Variants in PIGK observed in about 807,000 individuals in gnomAD.
PIGK encodes the protein phosphatidylinositol glycan anchor biosynthesis class K.
A neutral mutation model predicts 50.6 loss-of-function variants in PIGK; 42 were observed. That is an observed-to-expected ratio of 0.83 (90% CI 0.65 to 1.07). PIGK has a LOEUF of 1.07. Ranked by LOEUF, PIGK falls within the 50% of genes least tolerant of loss-of-function variation. The pLI is 0.00. For missense variants in PIGK, 448 were observed against 488.7 expected (o/e 0.92, Z 0.78); for synonymous variants, 151 against 156.0 (o/e 0.97, Z 0.24).
At chr1:77,166,367 T>C (rs1049363698) in intron 5 of PIGK, among the ~76,000 whole-genome samples, 1 of 152,126 alleles carries the variant, frequency 6.6e-6, no homozygotes, top group East Asian at 1.9e-4. Flanking sequence ...AAAACCATTA[T>C]AAAGTTTTAA....
intron 10 of PIGK, among the ~76,000 whole-genome samples, chr1:77,106,958 G>A (rs1473042575): frequency 3.3e-5 from 5 of 150,670 alleles, no homozygotes; most frequent in Non-Finnish European, 5.9e-5. Context: ...TTTTTATTGC[G>A]TCTATTTGAT....
chr1:77,218,244 G>C (rs1263836032), intron 1 of PIGK, among the ~76,000 whole-genome samples: 1 of 152,188 alleles, frequency 6.6e-6, no homozygotes, highest in African/African-American at 2.4e-5. Flanking sequence ...ATATTTAAAA[G>C]ATTTCATCAG....
rs1344861863 is a variant in PIGK at position 77,151,779 on chromosome 1, T to C, written c.986+2670A>G. Among the ~76,000 whole-genome samples, 3 of 152,044 alleles carry C rather than the reference T, an allele frequency of 2.0e-5. No homozygotes were observed. The East Asian group carries it at 5.8e-4, about 29-fold the overall frequency. On this transcript the variant is annotated intron_variant, in intron 9 of 10. Transcript: ENST00000370812. ...AAGGAAAAAATAATCTAGGAATAAA[T>C]TTTACCAAAGTGAAAGATCTCTACA... is the stretch of plus-strand genomic sequence containing the variant.
At chr1:77,105,384 A>G (rs61484997) in intron 10 of PIGK, among the ~76,000 whole-genome samples, 5,407 of 152,012 alleles carry the variant, frequency 0.036, 254 homozygotes, top group African/African-American at 0.11. Flanking sequence ...ACTTTGGGCC[A>G]TGGGTTTCAG....
intron 10 of PIGK, among the ~76,000 whole-genome samples, chr1:77,098,898 C>G (rs1004689634): frequency 2.6e-5 from 4 of 152,106 alleles, no homozygotes; most frequent in Non-Finnish European, 1.5e-5. Context: ...TTAAGTATTT[C>G]TTTCTCTTCT....
At chr1:77,159,934 G>C (rs1336722666) in intron 8 of PIGK, among the ~76,000 whole-genome samples, 1 of 152,136 alleles carries the variant, frequency 6.6e-6, no homozygotes, top group African/African-American at 2.4e-5. Context: ...AGGCACGATT[G>C]GTTTTGAAAT....
intron 3 of PIGK, among the ~76,000 whole-genome samples, chr1:77,192,180 C>T (rs1655924231): frequency 6.6e-6 from 1 of 151,844 alleles, no homozygotes; most frequent in African/African-American, 2.4e-5. Context: ...AGGGACACAA[C>T]ACTAGTCGTG....
intron 3 of PIGK, among the ~76,000 whole-genome samples, chr1:77,175,090 T>A (rs1655452737): frequency 6.6e-6 from 1 of 152,152 alleles, no homozygotes; most frequent in Admixed American, 6.5e-5. Flanking sequence ...AAATAAAAAA[T>A]TTTAAAGATT....
chr1:77,125,850 T>C (rs138600211), intron 9 of PIGK, among the ~76,000 whole-genome samples: 45 of 152,304 alleles, frequency 3.0e-4, no homozygotes, highest in African/African-American at 1.0e-3. Flanking sequence ...GAACTAAATA[T>C]ATGGAAAATT....
intron 2 of PIGK, among the ~76,000 whole-genome samples, chr1:77,209,795 T>C (rs1274297934): frequency 1.3e-5 from 2 of 152,066 alleles, no homozygotes; most frequent in African/African-American, 2.4e-5. Flanking sequence ...AAGATAATAC[T>C]AAAGGGTTGC....
intron 10 of PIGK, among the ~76,000 whole-genome samples, chr1:77,111,211 G>T (rs1570188892): frequency 6.6e-6 from 1 of 152,180 alleles, no homozygotes; most frequent in Non-Finnish European, 1.5e-5. Flanking sequence ...ACTCATCAGG[G>T]ATCTAGAACT....
At chr1:77,176,956 C>T (rs1445961919) in intron 3 of PIGK, among the ~76,000 whole-genome samples, 2 of 152,170 alleles carry the variant, frequency 1.3e-5, no homozygotes, top group East Asian at 1.9e-4. Flanking sequence ...TAGTTTATAA[C>T]CAATGTTTGG....
At chr1:77,107,250 A>G (rs868851802) in intron 10 of PIGK, among the ~76,000 whole-genome samples, 12 of 151,606 alleles carry the variant, frequency 7.9e-5, no homozygotes, top group South Asian at 2.1e-4. Flanking sequence ...CCCTCTACAC[A>G]CTGCTTTAAA....
At chr1:77,118,407 T>C (rs897192671) in intron 10 of PIGK, among the ~76,000 whole-genome samples, 3 of 152,132 alleles carry the variant, frequency 2.0e-5, no homozygotes, top group African/African-American at 7.2e-5. Context: ...GCCTGGTTAA[T>C]TTATGGTTTT....
chr1:77,169,194 G>A, intron 4 of PIGK, 66 bp downstream of exon 4: 1 of 1,002,760 alleles, frequency 1.0e-6, no homozygotes, highest in Non-Finnish European at 1.4e-6. Flanking sequence ...ATTTTATTCT[G>A]CCATTGTTTT....
At chr1:77,137,325 C>T (rs866100337) in intron 9 of PIGK, among the ~76,000 whole-genome samples, 83 of 152,272 alleles carry the variant, frequency 5.5e-4, no homozygotes, top group African/African-American at 1.8e-3. Flanking sequence ...TTGAGCCCAT[C>T]CTACATTGTC....
At chr1:77,211,346 T>C (rs1656416831) in intron 1 of PIGK, among the ~76,000 whole-genome samples, 1 of 151,870 alleles carries the variant, frequency 6.6e-6, no homozygotes, top group Non-Finnish European at 1.5e-5. Flanking sequence ...TGAAACCGCA[T>C]GGTTGATAGG....
intron 3 of PIGK, among the ~76,000 whole-genome samples, chr1:77,190,128 C>A (rs1655864071): frequency 6.6e-6 from 1 of 151,968 alleles, no homozygotes; most frequent in Non-Finnish European, 1.5e-5. Flanking sequence ...TGGCTCATGC[C>A]TGTAATCTTG....
chr1:77,191,417 C>T (rs1655901132), intron 3 of PIGK, among the ~76,000 whole-genome samples: 1 of 152,170 alleles, frequency 6.6e-6, no homozygotes, highest in Non-Finnish European at 1.5e-5. Flanking sequence ...AACTAAGCTA[C>T]TATAATAAAA....
Sources: allele counts gnomAD v4.1 joint callset (sites outside exome capture counted in the v4.1 genomes callset), GRCh38; gene constraint gnomAD v4.1.1; transcripts MANE v1.5; gene names NCBI Gene and HGNC (gene_info 2026-07-23, HGNC 2026-07-21).